The following GIN1 variants were observed in gnomAD, a reference collection of about 807,000 sequenced individuals.
The protein encoded by GIN1 is gypsy retrotransposon integrase-like protein 1.
A neutral mutation model predicts 51.4 loss-of-function variants in GIN1; 41 were observed. That is an observed-to-expected ratio of 0.80 (90% CI 0.62 to 1.04). The LOEUF is 1.04. Ranked by LOEUF, GIN1 falls within the 50% of genes least tolerant of loss-of-function variation. The pLI, the probability that GIN1 is intolerant of heterozygous loss-of-function variation, is 0.00. For synonymous variants in GIN1, 222 were observed against 206.5 expected, an observed-to-expected ratio of 1.07 and a Z score of -0.64; for missense variants, 610 against 612.4, an observed-to-expected ratio of 1.00 and a Z score of 0.04.
rs782644119 is a variant in GIN1 at position 103,096,585 on chromosome 5, T to C, written c.1250A>G (p.Lys417Arg). The C allele has an allele frequency of 1.2e-6, 2 of 1,613,686 alleles. No homozygotes were observed. The highest frequency in any genetic ancestry group is 1.7e-6 in the Non-Finnish European group (2 of 1,179,614). ...NTGVRLKRPI[K>R]MSHLKPYIRE... is the part of the protein sequence containing the mutation. ...TATGTAGGGCTTAAGGTGGGACATT[T>C]TGATAGGTCTTTTCAGTCTAACCCC... is the stretch of plus-strand genomic sequence containing the variant. Residue 417 changes from lysine to arginine, a missense_variant, in exon 7 of 8, where the codon AAA (lysine) becomes AGA (arginine). By Grantham distance (26) the Lys-to-Arg change is conservative. Transcript: ENST00000399004.
At chr5:103,098,125 C>T (rs1229238282) in intron 4 of GIN1, among the ~76,000 whole-genome samples, 12 of 152,200 alleles carry the variant, frequency 7.9e-5, no homozygotes, top group African/African-American at 1.9e-4. Context: ...TTGTGATCCA[C>T]CTGCCTTGGC....
chr5:103,092,578 A>G (rs1216690933), intron 7 of GIN1, among the ~76,000 whole-genome samples: 1 of 152,188 alleles, frequency 6.6e-6, no homozygotes, highest in Non-Finnish European at 1.5e-5. Flanking sequence ...AATAATAACT[A>G]TAACTTGATA....
chr5:103,097,866 A>C (rs1787453264), intron 4 of GIN1, 85 bp from the exon 5 acceptor site: 2 of 630,736 alleles, frequency 3.2e-6, no homozygotes, highest in Non-Finnish European at 5.4e-6. Flanking sequence ...CAAAAGAATT[A>C]GAATCTTGCC....
At chr5:103,117,483 T>C (rs1336010992) in intron 1 of GIN1, among the ~76,000 whole-genome samples, 3 of 151,074 alleles carry the variant, frequency 2.0e-5, no homozygotes, top group Admixed American at 6.6e-5. Flanking sequence ...GAACCTGATA[T>C]AGGTCATTTG....
intron 7 of GIN1, among the ~76,000 whole-genome samples, chr5:103,090,086 C>T (rs1230209549): frequency 1.3e-5 from 2 of 152,138 alleles, no homozygotes; most frequent in Non-Finnish European, 2.9e-5. Flanking sequence ...GTTAGGAGTT[C>T]GAGACCAACC....
rs1787465098 is a variant in GIN1 at position 103,098,263 on chromosome 5, T to C, written c.640-482A>G. On this transcript the variant is annotated intron_variant, in intron 4 of 7. Transcript: ENST00000399004. Reference sequence around the variant, plus strand: ...AAAATTTTATGTATAAAATAGTGATTGCCATTTATTGAGTCTTTACTACAC... The same window carrying C: ...AAAATTTTATGTATAAAATAGTGATCGCCATTTATTGAGTCTTTACTACAC... Among the ~76,000 whole-genome samples, 2 of 152,142 alleles carry C rather than the reference T, an allele frequency of 1.3e-5. 1 individual carries two copies. The highest frequency in any genetic ancestry group is 4.8e-5 in the African/African-American group (2 of 41,436).
At chr5:103,095,042 A>T (rs1328053203) in intron 7 of GIN1, among the ~76,000 whole-genome samples, 2 of 152,254 alleles carry the variant, frequency 1.3e-5, no homozygotes, top group East Asian at 3.8e-4. Context: ...CATGGGCTTT[A>T]GAACTCAAGA....
chr5:103,094,543 G>T (rs1787339303), intron 7 of GIN1, among the ~76,000 whole-genome samples: 1 of 152,108 alleles, frequency 6.6e-6, no homozygotes, highest in African/African-American at 2.4e-5. Flanking sequence ...CTGAAATACT[G>T]AGTTCTGAAT....
chr5:103,098,964 A>G (rs782463213), intron 4 of GIN1, among the ~76,000 whole-genome samples: 51 of 152,328 alleles, frequency 3.3e-4, no homozygotes, highest in Non-Finnish European at 5.4e-4. Context: ...CATTAAATAT[A>G]AAATAATATT....
chr5:103,098,854 A>G (rs1054282086), intron 4 of GIN1, among the ~76,000 whole-genome samples: 33 of 152,226 alleles, frequency 2.2e-4, no homozygotes, highest in African/African-American at 7.5e-4. Context: ...GTTATTGGCA[A>G]TAAGCATTTT....
chr5:103,092,945 CAAA>C (rs5870040), intron 7 of GIN1, among the ~76,000 whole-genome samples: 19,510 of 59,856 alleles, frequency 0.33, 896 homozygotes, highest in East Asian at 0.43. Flanking sequence ...GAACCTGTCT[CAAA>C]AAAAAAAAAA....
At chr5:103,109,362 G>A (rs758590173) in intron 1 of GIN1, among the ~76,000 whole-genome samples, 27 of 152,160 alleles carry the variant, frequency 1.8e-4, no homozygotes, top group Non-Finnish European at 3.2e-4. Flanking sequence ...TTTAAAAAAA[G>A]ATGTTTACTG....
At chr5:103,093,419 A>C (rs1302635120) in intron 7 of GIN1, among the ~76,000 whole-genome samples, 1 of 152,216 alleles carries the variant, frequency 6.6e-6, no homozygotes, top group East Asian at 1.9e-4. Flanking sequence ...AACCTCTAGA[A>C]GCTGGAAAAG....
intron 4 of GIN1, 82 bp from the exon 5 acceptor site, chr5:103,097,863 A>C (rs1787453112): frequency 3.1e-6 from 2 of 637,470 alleles, no homozygotes; most frequent in Non-Finnish European, 5.4e-6. Flanking sequence ...CTTCAAAAGA[A>C]TTAGAATCTT....
Position 103,097,400 on chromosome 5 carries a change from C to A in GIN1, c.922G>T (p.Asp308Tyr), listed in dbSNP as rs1295274158. The A allele has an allele frequency of 3.8e-6, 6 of 1,572,044 alleles. No homozygotes were observed. The highest frequency in any genetic ancestry group is 4.4e-6 in the Non-Finnish European group (5 of 1,142,230). Reference sequence around the variant, plus strand: ...ATTTTGGCAAACATACTTGTATTATCACCATCCACTTCATGAAGACTATCT... The same window carrying A: ...ATTTTGGCAAACATACTTGTATTATAACCATCCACTTCATGAAGACTATCT... ...TSDSLHEVDG[D>Y]NTSMFAKILD... Residue 308 changes from aspartate (D) to tyrosine (Y), a missense_variant, in exon 6 of 8, where the codon GAT becomes TAT. Transcript: ENST00000399004.
At chr5:103,115,280 C>A (rs1417141250) in intron 1 of GIN1, among the ~76,000 whole-genome samples, 1 of 152,092 alleles carries the variant, frequency 6.6e-6, no homozygotes, top group African/African-American at 2.4e-5. Flanking sequence ...GGAAGCAACT[C>A]AAGTGTCCAT....
intron 4 of GIN1, among the ~76,000 whole-genome samples, chr5:103,102,905 A>G (rs1452365623): frequency 6.6e-6 from 1 of 152,194 alleles, no homozygotes; most frequent in Non-Finnish European, 1.5e-5. Context: ...AATGGAACAA[A>G]AATATATTTT....
intron 4 of GIN1, among the ~76,000 whole-genome samples, chr5:103,100,611 C>A (rs1004726204): frequency 1.1e-4 from 16 of 150,488 alleles, no homozygotes; most frequent in Non-Finnish European, 2.1e-4. Context: ...ATTGCATGGG[C>A]TGGTCTTGAA....
intron 4 of GIN1, among the ~76,000 whole-genome samples, chr5:103,100,569 T>C (rs1787544172): frequency 6.6e-6 from 1 of 151,922 alleles, no homozygotes; most frequent in African/African-American, 2.4e-5. Context: ...TTAAAAATTT[T>C]TTTTTTTTTT....
Sources: allele counts gnomAD v4.1 joint callset (sites outside exome capture counted in the v4.1 genomes callset), GRCh38; gene constraint gnomAD v4.1.1; transcripts MANE v1.5; gene names NCBI Gene and HGNC (gene_info 2026-07-23, HGNC 2026-07-21).